The following LHFPL3 variants were observed in gnomAD, a reference collection of about 807,000 sequenced individuals.
LHFPL3 encodes the protein LHFPL tetraspan subfamily member 3 protein.
LHFPL3 carries 5 observed loss-of-function variants against 19.3 expected under a neutral mutation model. The observed-to-expected ratio is 0.26, with a 90% CI of 0.14 to 0.54. The LOEUF is 0.54. Among genes scored for constraint, LHFPL3 ranks in the 20% least tolerant of loss-of-function variants. LHFPL3 has a pLI of 0.94. For synonymous variants in LHFPL3, 133 were observed against 126.2 expected (o/e 1.05, Z -0.36); for missense variants, 249 against 307.4 (o/e 0.81, Z 1.42).
chr7:104,482,619 A>C (rs1361561692), intron 1 of LHFPL3, among the ~76,000 whole-genome samples: 1 of 152,252 alleles, frequency 6.6e-6, no homozygotes, highest in East Asian at 1.9e-4. Context: ...AATGGAACTA[A>C]AAGAAGATAC....
Position 104,880,945 on chromosome 7 carries a change from T to C in LHFPL3, c.683-25242T>C, listed in dbSNP as rs549424255. Among the ~76,000 whole-genome samples the C allele has an allele frequency of 2.1e-4, 32 of 151,980 alleles. No individual in the cohort carries two copies. In the South Asian group the frequency reaches 4.1e-3, roughly 20 times the overall value. On this transcript the variant is annotated intron_variant, in intron 2 of 2. Coordinates refer to ENST00000424859, the MANE Select transcript of LHFPL3 (RefSeq NM_199000.3). ...CAGCACTTTGGGAGGCCAAGGCGGG[T>C]GAATCACGAGGTCAGGAGATCAAGA...
chr7:104,824,582 AAT>A (rs1450099746), intron 2 of LHFPL3, among the ~76,000 whole-genome samples: 26 of 66,002 alleles, frequency 3.9e-4, no homozygotes, highest in East Asian at 3.8e-3. Context: ...TTTTATATAT[AAT>A]ATATATAATT....
intron 1 of LHFPL3, among the ~76,000 whole-genome samples, chr7:104,341,618 T>C (rs932259026): frequency 1.3e-5 from 2 of 152,242 alleles, no homozygotes; most frequent in Non-Finnish European, 2.9e-5. Flanking sequence ...TGAATAGTTC[T>C]GCTCTTCCAG....
At chr7:104,588,520 C>A (rs937505926) in intron 1 of LHFPL3, among the ~76,000 whole-genome samples, 4 of 152,072 alleles carry the variant, frequency 2.6e-5, no homozygotes, top group African/African-American at 4.8e-5. Context: ...GTTACTGTAG[C>A]CTTGTAGTGT....
rs73417669 is a variant in LHFPL3 at position 104,849,476 on chromosome 7, G to A, written c.683-56711G>A. Reference sequence around the variant, plus strand: ...GGGGCTGGGTGGCCCTGCACTGTGTGGGGGCCAAGGCCCTTGGCCCACTTA... The same window carrying A: ...GGGGCTGGGTGGCCCTGCACTGTGTAGGGGCCAAGGCCCTTGGCCCACTTA... On this transcript the variant is annotated intron_variant, in intron 2 of 2. Coordinates refer to ENST00000424859, the MANE Select transcript of LHFPL3 (RefSeq NM_199000.3). 6.4e-3 allele frequency among the ~76,000 whole-genome samples: 975 copies of A among 152,326 alleles called. 14 individuals carry two copies. The highest frequency in any genetic ancestry group is 0.023 in the African/African-American group (937 of 41,572).
rs147247731 is a variant in LHFPL3, at chr7:104,569,682, G to A, written c.446-166993G>A. On this transcript the variant is annotated intron_variant, in intron 1 of 2. Transcript: ENST00000424859. ...ATGATGGCTAATATTTTTATATGCC[G>A]GGCACAATGTTCAGTGGTGGCTATT... Among the ~76,000 whole-genome samples, 238 of 152,002 alleles carry A rather than the reference G, an allele frequency of 1.6e-3. 1 individual carries two copies. The highest frequency in any genetic ancestry group is 3.4e-3 in the Middle Eastern group (1 of 292).
At chr7:104,536,017 G>T (rs533006643) in intron 1 of LHFPL3, among the ~76,000 whole-genome samples, 3 of 152,152 alleles carry the variant, frequency 2.0e-5, no homozygotes, top group African/African-American at 7.2e-5. Flanking sequence ...ACAGCACCAC[G>T]GGAGGAAGCC....
chr7:104,492,209 C>T (rs1793368406), intron 1 of LHFPL3, among the ~76,000 whole-genome samples: 1 of 152,170 alleles, frequency 6.6e-6, no homozygotes, highest in African/African-American at 2.4e-5. Context: ...TTATAAAATA[C>T]TTGTTATGCA....
intron 1 of LHFPL3, among the ~76,000 whole-genome samples, chr7:104,476,280 T>C (rs948609646): frequency 1.3e-5 from 2 of 152,216 alleles, no homozygotes; most frequent in Non-Finnish European, 2.9e-5. Context: ...GCTTTCTTTG[T>C]ATAAAAGAAT....
chr7:104,903,306 A>G (rs1391265636), intron 2 of LHFPL3, among the ~76,000 whole-genome samples: 1 of 152,106 alleles, frequency 6.6e-6, no homozygotes, highest in Admixed American at 6.5e-5. Flanking sequence ...CCAACAAATG[A>G]TTCACACCAA....
chr7:104,846,610 C>T (rs1336714873), intron 2 of LHFPL3, among the ~76,000 whole-genome samples: 4 of 152,130 alleles, frequency 2.6e-5, no homozygotes, highest in Non-Finnish European at 1.5e-5. Flanking sequence ...GGTGGCAGAG[C>T]CTGGATTAAA....
intron 2 of LHFPL3, among the ~76,000 whole-genome samples, chr7:104,839,141 T>G (rs1419791419): frequency 6.6e-6 from 1 of 151,972 alleles, no homozygotes; most frequent in East Asian, 1.9e-4. Flanking sequence ...GAGAGAGAAA[T>G]TTCCCCTCAG....
rs77290476 is a variant in LHFPL3, at chr7:104,696,299, C to T, written c.446-40376C>T. Among the ~76,000 whole-genome samples, 647 of 152,320 alleles carry T rather than the reference C, an allele frequency of 4.2e-3. 24 individuals carry two copies. The East Asian group carries it at 0.091, about 21-fold the overall frequency. ...ATTTGTAAACTAGGATTAATTCCTACTTGCAAGATTGTTTTGAGGATTAAA... is the reference window on the plus strand; with the variant it reads ...ATTTGTAAACTAGGATTAATTCCTATTTGCAAGATTGTTTTGAGGATTAAA... On this transcript the variant is annotated intron_variant, in intron 1 of 2. Transcript: ENST00000424859.
chr7:104,733,682 C>A (rs1296093522), intron 1 of LHFPL3, among the ~76,000 whole-genome samples: 4 of 152,154 alleles, frequency 2.6e-5, no homozygotes, highest in African/African-American at 4.8e-5. Flanking sequence ...TCCAATTTGC[C>A]AGTCTGTGTC....
intron 2 of LHFPL3, among the ~76,000 whole-genome samples, chr7:104,779,819 C>T (rs1375619141): frequency 4.6e-5 from 7 of 152,232 alleles, no homozygotes; most frequent in African/African-American, 1.7e-4. Context: ...GTCTTCTTAT[C>T]AGAGCTGTGG....
intron 1 of LHFPL3, among the ~76,000 whole-genome samples, chr7:104,440,039 G>GGGGT (rs1554394369): frequency 3.5e-4 from 31 of 88,292 alleles, no homozygotes; most frequent in Admixed American, 1.4e-3. Context: ...AAAGCCTGGG[G>GGGGT]GGGGGGAGGG....
intron 1 of LHFPL3, among the ~76,000 whole-genome samples, chr7:104,494,611 G>A (rs1223769821): frequency 6.6e-6 from 1 of 152,128 alleles, no homozygotes; most frequent in African/African-American, 2.4e-5. Flanking sequence ...TCCATAATCA[G>A]AAAAGCCATG....
intron 1 of LHFPL3, among the ~76,000 whole-genome samples, chr7:104,555,515 G>A (rs1794747190): frequency 6.6e-6 from 1 of 152,298 alleles, no homozygotes; most frequent in South Asian, 2.1e-4. Flanking sequence ...GATCTCATGA[G>A]ACTCATTCAC....
At chr7:104,434,630 G>A (rs187006626) in intron 1 of LHFPL3, among the ~76,000 whole-genome samples, 1 of 152,086 alleles carries the variant, frequency 6.6e-6, no homozygotes, top group African/African-American at 2.4e-5. Flanking sequence ...ATTTTTTATT[G>A]AACTTGTAGA....
Sources: allele counts gnomAD v4.1 joint callset (sites outside exome capture counted in the v4.1 genomes callset), GRCh38; gene constraint gnomAD v4.1.1; transcripts MANE v1.5; gene names NCBI Gene and HGNC (gene_info 2026-07-23, HGNC 2026-07-21).